The following ALK variants were observed in gnomAD, a reference collection of about 807,000 sequenced individuals.
ALK encodes ALK receptor tyrosine kinase.
In ALK, 74 loss-of-function variants were observed where a neutral mutation model predicts 163.1. The observed-to-expected ratio is 0.45, with a 90% CI of 0.38 to 0.55. ALK has a LOEUF of 0.55. Ranked by LOEUF, ALK falls within the 20% of genes least tolerant of loss-of-function variation. ALK has a pLI of 0.00. For missense variants in ALK, 2,063 were observed against 2,105.3 expected, an observed-to-expected ratio of 0.98 and a Z score of 0.39; for synonymous variants, 960 against 843.2, an observed-to-expected ratio of 1.14 and a Z score of -2.40.
rs748391050 is a variant in ALK, at chr2:29,717,189, A to AAAAG, written c.787+388_787+389insCTTT. ...TCTGTCTCAAAAAAAAAAAAAAAAA[A>AAAAG]AGAGAGAGAGAGAGATTGTGATTGC... On this transcript the variant is annotated intron_variant, in intron 2 of 28. Transcript: ENST00000389048. 5.6e-5 allele frequency among the ~76,000 whole-genome samples: 8 copies of AAAAG among 142,842 alleles called. No homozygotes were observed. The East Asian group carries it at 5.9e-4, about 11-fold the overall frequency. 93.7% of individuals were successfully genotyped at this position (142,842 alleles called of 152,430 possible).
intron 1 of ALK, among the ~76,000 whole-genome samples, chr2:29,874,867 A>T (rs1423890435): frequency 6.6e-6 from 1 of 152,110 alleles, no homozygotes; most frequent in African/African-American, 2.4e-5. Context: ...TCATCAAGTG[A>T]ACTTCCTTAT....
chr2:29,283,838 A>G (rs1013654160), intron 9 of ALK, among the ~76,000 whole-genome samples: 4 of 152,190 alleles, frequency 2.6e-5, no homozygotes, highest in African/African-American at 4.8e-5. Flanking sequence ...GCAGTGCCAC[A>G]AATGACATCT....
intron 1 of ALK, among the ~76,000 whole-genome samples, chr2:29,766,633 G>A (rs1249658782): frequency 6.6e-6 from 1 of 152,126 alleles, no homozygotes; most frequent in African/African-American, 2.4e-5. Flanking sequence ...TACTCAGCAG[G>A]ACCATAACCC....
intron 13 of ALK, among the ~76,000 whole-genome samples, chr2:29,236,536 C>T (rs959671792): frequency 2.0e-5 from 3 of 152,166 alleles, no homozygotes; most frequent in Non-Finnish European, 4.4e-5. Flanking sequence ...CTTTTCTGAC[C>T]CATGCTCATC....
At chr2:29,239,585 C>T (rs1297683295) in intron 13 of ALK, 95 bp downstream of exon 13, 1 of 1,460,966 alleles carries the variant, frequency 6.8e-7, no homozygotes, top group Non-Finnish European at 9.5e-7. Context: ...CTGGTATGAA[C>T]TTCCAGGAGG....
chr2:29,314,247 G>A (rs1211742302), intron 8 of ALK, among the ~76,000 whole-genome samples: 1 of 152,156 alleles, frequency 6.6e-6, no homozygotes, highest in African/African-American at 2.4e-5. Flanking sequence ...AGGGGCCATG[G>A]CGTCTTCTCA....
chr2:29,867,763 T>C (rs4630722), intron 1 of ALK, among the ~76,000 whole-genome samples: 67,901 of 151,944 alleles, frequency 0.45, 15,973 homozygotes, highest in Non-Finnish European at 0.5. Context: ...GCTGACTATG[T>C]GGTTCTTCAG....
chr2:29,207,373 A>G (rs1043683426), intron 25 of ALK, 101 bp from the exon 26 acceptor site: 3 of 881,400 alleles, frequency 3.4e-6, no homozygotes, highest in African/African-American at 3.3e-5. Flanking sequence ...TAGTCTACCC[A>G]TTAAAGGTCT....
chr2:29,707,896 C>A (rs1463443031), intron 2 of ALK, among the ~76,000 whole-genome samples: 1 of 152,128 alleles, frequency 6.6e-6, no homozygotes, highest in South Asian at 2.1e-4. Flanking sequence ...CATAGACAAC[C>A]AAAAGGAGTA....
At chr2:29,662,886 G>A (rs1677392871) in intron 3 of ALK, among the ~76,000 whole-genome samples, 1 of 152,086 alleles carries the variant, frequency 6.6e-6, no homozygotes, top group African/African-American at 2.4e-5. Flanking sequence ...AAAAATATGA[G>A]CTCCTTAGAA....
intron 5 of ALK, among the ~76,000 whole-genome samples, chr2:29,349,079 T>C (rs780904515): frequency 1.3e-5 from 2 of 152,188 alleles, no homozygotes; most frequent in Non-Finnish European, 2.9e-5. Flanking sequence ...TTCTTAGTGG[T>C]GCCTAACACA....
rs528641846 is a variant in ALK at position 29,778,144 on chromosome 2, G to A, written c.668-60447C>T. 3.3e-5 allele frequency among the ~76,000 whole-genome samples: 5 copies of A among 152,280 alleles called. No homozygotes were observed. In the East Asian group the frequency reaches 7.7e-4, roughly 24 times the overall value. On this transcript the variant is annotated intron_variant, in intron 1 of 28. Coordinates refer to ENST00000389048, the MANE Select transcript of ALK (RefSeq NM_004304.5). ...CCTCAGGACAGGACAACAAGTCTAG[G>A]AGAAACCCCCTAAAATCATTTGCAT...
chr2:29,812,798 G>A (rs749191417), intron 1 of ALK, among the ~76,000 whole-genome samples: 4 of 152,158 alleles, frequency 2.6e-5, no homozygotes, highest in African/African-American at 7.2e-5. Flanking sequence ...TGGGCTTCAC[G>A]TAGTCATGCT....
intron 4 of ALK, among the ~76,000 whole-genome samples, chr2:29,427,386 T>C (rs991272956): frequency 2.0e-5 from 3 of 152,062 alleles, no homozygotes; most frequent in African/African-American, 7.2e-5. Flanking sequence ...AGTTGTAATA[T>C]GTATGAGAAT....
chr2:29,357,531 C>T lies in ALK; in HGVS notation c.1282+26201G>A, dbSNP rs186787767. 1.1e-4 allele frequency among the ~76,000 whole-genome samples: 17 copies of T among 152,324 alleles called. No individual in the cohort carries two copies. In the East Asian group the frequency reaches 1.9e-3, roughly 17 times the overall value. ...TCTCAGCAGTCATGGCAAACTTTCA[C>T]GGCAGATGCCTTTGTTATTTAGGGT... On this transcript the variant is annotated intron_variant, in intron 5 of 28. Coordinates refer to ENST00000389048, the MANE Select transcript of ALK (RefSeq NM_004304.5).
intron 1 of ALK, among the ~76,000 whole-genome samples, chr2:29,745,384 C>T (rs1558469756): frequency 1.3e-5 from 2 of 152,198 alleles, no homozygotes; most frequent in African/African-American, 2.4e-5. Context: ...GCTGGTACAA[C>T]ACCCCTGAAA....
rs191191860 is a variant in ALK at position 29,666,580 on chromosome 2, A to C, written c.952+28270T>G. Among the ~76,000 whole-genome samples, 7 of 152,230 alleles carry C rather than the reference A, an allele frequency of 4.6e-5. No individual in the cohort carries two copies. The East Asian group carries it at 1.4e-3, about 30-fold the overall frequency. ...TTATTCATGTATGACCTTATGATCC[A>C]GAAGAACTTCCTAATTTCTCATCCA... On this transcript the variant is annotated intron_variant, in intron 3 of 28. Coordinates refer to ENST00000389048, the MANE Select transcript of ALK (RefSeq NM_004304.5).
chr2:29,859,322 A>G (rs1308384052), intron 1 of ALK, among the ~76,000 whole-genome samples: 2 of 152,248 alleles, frequency 1.3e-5, no homozygotes, highest in Admixed American at 6.5e-5. Flanking sequence ...CAGGCCAGGC[A>G]TGAAAGAGAG....
At chr2:29,856,432 G>A (rs937557841) in intron 1 of ALK, among the ~76,000 whole-genome samples, 1 of 152,106 alleles carries the variant, frequency 6.6e-6, no homozygotes, top group South Asian at 2.1e-4. Context: ...ATGTGTACCA[G>A]GTATTTTACA....
Sources: gnomAD v4.1 joint callset for allele counts (sites outside exome capture counted in the v4.1 genomes callset) on GRCh38, gnomAD v4.1.1 for gene constraint, MANE v1.5 for transcripts, NCBI Gene and HGNC (gene_info 2026-07-23, HGNC 2026-07-21) for gene names.